Variants in MAGI2 observed in about 807,000 individuals in gnomAD.
MAGI2 encodes membrane associated guanylate kinase, WW and PDZ domain containing 2, also known as membrane-associated guanylate kinase, WW and PDZ domain-containing protein 2.
Under a neutral mutation model 133.3 loss-of-function variants are expected in MAGI2, and 35 were observed. The observed-to-expected ratio is 0.26, with a 90% CI of 0.20 to 0.35. The LOEUF (loss-of-function observed/expected upper bound fraction) is 0.35. Among genes scored for constraint, MAGI2 ranks in the 10% least tolerant of loss-of-function variants. The pLI is 1.00. For synonymous variants in MAGI2, 729 were observed against 710.6 expected, an observed-to-expected ratio of 1.03 and a Z score of -0.41; for missense variants, 1,636 against 1,863.4, an observed-to-expected ratio of 0.88 and a Z score of 2.25.
At chr7:78,336,784 GAAAGAAGA>G (rs1485697024) in intron 9 of MAGI2, among the ~76,000 whole-genome samples, 132 of 92,324 alleles carry the variant, frequency 1.4e-3, no homozygotes, top group Middle Eastern at 5.4e-3. Context: ...AAGAAGAAAA[GAAAGAAGA>G]AAAAAAGAAG....
intron 2 of MAGI2, among the ~76,000 whole-genome samples, chr7:78,634,080 TAAAG>T (rs1447181156): frequency 1.3e-5 from 2 of 152,080 alleles, no homozygotes; most frequent in African/African-American, 4.8e-5. Context: ...ACACTTATAA[TAAAG>T]AAAAAAAATT....
At chr7:78,276,473 T>C (rs560300567) in intron 9 of MAGI2, among the ~76,000 whole-genome samples, 2 of 151,846 alleles carry the variant, frequency 1.3e-5, no homozygotes, top group African/African-American at 2.4e-5. Flanking sequence ...ATTTTTTTTT[T>C]CCCCAAAGGC....
At chr7:79,297,531 T>C (rs1837033608) in intron 1 of MAGI2, among the ~76,000 whole-genome samples, 1 of 152,174 alleles carries the variant, frequency 6.6e-6, no homozygotes, top group Non-Finnish European at 1.5e-5. Context: ...ATTCATTTTA[T>C]TAATATTTAT....
chr7:79,215,920 T>A lies in MAGI2; in HGVS notation c.302-208714A>T, dbSNP rs1054843384. ...TTACATATATATATATTCCATGACA[T>A]GGAATACTTTGTGTATTCCGTGGGA... On this transcript the variant is annotated intron_variant, in intron 1 of 21. Transcript: ENST00000354212. 2.6e-5 allele frequency among the ~76,000 whole-genome samples: 4 copies of A among 151,870 alleles called. 1 individual carries two copies. Among genetic ancestry groups the A allele is most frequent in the Non-Finnish European group, 5.9e-5 (4 of 68,018 alleles).
At chr7:79,027,873 A>C (rs1314336172) in intron 1 of MAGI2, among the ~76,000 whole-genome samples, 2 of 152,156 alleles carry the variant, frequency 1.3e-5, no homozygotes, top group African/African-American at 2.4e-5. Flanking sequence ...CAATAAAAAT[A>C]ACGGAGGCTA....
intron 1 of MAGI2, among the ~76,000 whole-genome samples, chr7:79,341,139 T>G (rs1211261787): frequency 6.6e-6 from 1 of 152,142 alleles, no homozygotes; most frequent in Non-Finnish European, 1.5e-5. Context: ...GTTGTAAGTA[T>G]TGGGTCAAGA....
At chr7:78,347,639 T>C (rs1791054039) in intron 7 of MAGI2, among the ~76,000 whole-genome samples, 1 of 152,152 alleles carries the variant, frequency 6.6e-6, no homozygotes, top group Non-Finnish European at 1.5e-5. Flanking sequence ...ACCATTACTG[T>C]CATCATTTTT....
intron 1 of MAGI2, among the ~76,000 whole-genome samples, chr7:79,371,596 A>G (rs1843054913): frequency 6.6e-6 from 1 of 152,162 alleles, no homozygotes; most frequent in Non-Finnish European, 1.5e-5. Flanking sequence ...TAGCGTAGAA[A>G]CAGTAGGCTA....
At position 78,936,025 on chromosome 7, in the gene MAGI2, C is replaced by T. The variant is rs140681560; in HGVS notation, c.418+71065G>A. Among the ~76,000 whole-genome samples, 422 of 152,028 alleles carry T rather than the reference C, an allele frequency of 2.8e-3. 2 individuals are homozygous for T. Among genetic ancestry groups the T allele is most frequent in the Admixed American group, 4.5e-3 (68 of 15,246 alleles). ...CCAAATCAATACATTTCATGTCTTC[C>T]GTTACAAGTTTCCTCAGTTGAATCA... On this transcript the variant is annotated intron_variant, in intron 2 of 21. Coordinates refer to ENST00000354212, the MANE Select transcript of MAGI2 (RefSeq NM_012301.4).
At chr7:79,212,584 T>A (rs1285863155) in intron 1 of MAGI2, among the ~76,000 whole-genome samples, 1 of 151,902 alleles carries the variant, frequency 6.6e-6, no homozygotes, top group Non-Finnish European at 1.5e-5. Flanking sequence ...GGCCATGGAG[T>A]CTTTAGTCTG....
chr7:79,032,698 C>T (rs1303462066), intron 1 of MAGI2, among the ~76,000 whole-genome samples: 1 of 151,762 alleles, frequency 6.6e-6, no homozygotes, highest in African/African-American at 2.4e-5. Flanking sequence ...AAAATTAAGC[C>T]TGCAGCAAAG....
intron 18 of MAGI2, among the ~76,000 whole-genome samples, chr7:78,128,625 T>C (rs1194456928): frequency 1.3e-5 from 2 of 152,136 alleles, no homozygotes; most frequent in African/African-American, 2.4e-5. Flanking sequence ...TAGTATTAAG[T>C]ATTTTTAAAA....
At chr7:79,037,363 T>C (rs1333110586) in intron 1 of MAGI2, among the ~76,000 whole-genome samples, 2 of 152,126 alleles carry the variant, frequency 1.3e-5, no homozygotes, top group African/African-American at 4.8e-5. Context: ...GTACTAGGAA[T>C]TGTTGCTTTA....
At chr7:78,839,048 A>G (rs527986484) in intron 2 of MAGI2, among the ~76,000 whole-genome samples, 4 of 152,060 alleles carry the variant, frequency 2.6e-5, no homozygotes, top group Non-Finnish European at 5.9e-5. Flanking sequence ...ATGAAAGGGA[A>G]TAAGACAGCA....
At chr7:78,798,786 A>T (rs1227129563) in intron 2 of MAGI2, among the ~76,000 whole-genome samples, 6 of 152,282 alleles carry the variant, frequency 3.9e-5, no homozygotes, top group Non-Finnish European at 8.8e-5. Context: ...GCAAACTTCC[A>T]TGCTGAGCTC....
At chr7:79,011,675 T>C (rs1184703182) in intron 1 of MAGI2, among the ~76,000 whole-genome samples, 1 of 152,206 alleles carries the variant, frequency 6.6e-6, no homozygotes, top group African/African-American at 2.4e-5. Flanking sequence ...TTGGCTCATT[T>C]TGATGTAATC....
At chr7:78,794,118 A>G (rs1477504479) in intron 2 of MAGI2, among the ~76,000 whole-genome samples, 1 of 152,238 alleles carries the variant, frequency 6.6e-6, no homozygotes, top group East Asian at 1.9e-4. Flanking sequence ...TGAGTTACAC[A>G]CTTATATCCT....
chr7:78,319,047 A>C (rs1405184666), intron 9 of MAGI2, among the ~76,000 whole-genome samples: 1 of 152,216 alleles, frequency 6.6e-6, no homozygotes, highest in Non-Finnish European at 1.5e-5. Flanking sequence ...GCTATGAAGA[A>C]ACTGCATCAA....
At chr7:78,742,215 T>G (rs980861086) in intron 2 of MAGI2, among the ~76,000 whole-genome samples, 1 of 152,074 alleles carries the variant, frequency 6.6e-6, no homozygotes, top group African/African-American at 2.4e-5. Flanking sequence ...CCAGACAATC[T>G]CTCTATACCT....
Sources: allele counts gnomAD v4.1 joint callset (sites outside exome capture counted in the v4.1 genomes callset), GRCh38; gene constraint gnomAD v4.1.1; transcripts MANE v1.5; gene names NCBI Gene and HGNC (gene_info 2026-07-23, HGNC 2026-07-21).